DGKI: variants seen among roughly 807,000 people sequenced by gnomAD.
DGKI encodes the protein diacylglycerol kinase iota.
A neutral mutation model predicts 147.5 loss-of-function variants in DGKI; 55 were observed. The ratio of observed to expected loss-of-function variants is 0.37; its 90% CI spans 0.30 to 0.47. The LOEUF (loss-of-function observed/expected upper bound fraction) is 0.47, where lower values mean the gene tolerates loss of function less well. DGKI is among the 20% of genes least tolerant of loss of function. The pLI is 1.00. For missense variants in DGKI, 1,007 were observed against 1,323.8 expected, an observed-to-expected ratio of 0.76 and a Z score of 3.71; for synonymous variants, 469 against 477.1, an observed-to-expected ratio of 0.98 and a Z score of 0.22.
At chr7:137,758,037 C>G (rs1795742393) in intron 1 of DGKI, among the ~76,000 whole-genome samples, 1 of 152,206 alleles carries the variant, frequency 6.6e-6, no homozygotes, top group African/African-American at 2.4e-5. Flanking sequence ...AGTCCTGTAT[C>G]TCCTGGTTTA....
At chr7:137,579,809 T>C (rs1393098499) in intron 15 of DGKI, among the ~76,000 whole-genome samples, 2 of 152,166 alleles carry the variant, frequency 1.3e-5, no homozygotes, top group Admixed American at 6.5e-5. Context: ...AGATTAATGC[T>C]TGACATCTTT....
chr7:137,770,132 A>G (rs1399731536), intron 1 of DGKI, among the ~76,000 whole-genome samples: 2 of 152,268 alleles, frequency 1.3e-5, no homozygotes, highest in African/African-American at 4.8e-5. Flanking sequence ...ACCATGGAAT[A>G]CTATGCAGCC....
At chr7:137,427,956 G>A (rs1467447367) in intron 28 of DGKI, among the ~76,000 whole-genome samples, 7 of 150,080 alleles carry the variant, frequency 4.7e-5, no homozygotes, top group Non-Finnish European at 7.4e-5. Context: ...ATTCACAGCC[G>A]AATTCTACCA....
At chr7:137,745,604 A>G (rs1456648474) in intron 1 of DGKI, among the ~76,000 whole-genome samples, 1 of 152,188 alleles carries the variant, frequency 6.6e-6, no homozygotes, top group African/African-American at 2.4e-5. Context: ...TAGTGGGCTC[A>G]ATTATCAGAT....
chr7:137,451,783 A>G (rs1221349301), intron 27 of DGKI, among the ~76,000 whole-genome samples: 14 of 152,198 alleles, frequency 9.2e-5, no homozygotes, highest in Non-Finnish European at 2.1e-4. Flanking sequence ...GCTGATCCTA[A>G]TACAATATCC....
At chr7:137,432,294 T>C (rs557688309) in intron 28 of DGKI, among the ~76,000 whole-genome samples, 1 of 152,324 alleles carries the variant, frequency 6.6e-6, no homozygotes, top group South Asian at 2.1e-4. Flanking sequence ...TCTGTGTCCA[T>C]TGGGCTGTAA....
chr7:137,414,225 G>A (rs1812274502), intron 28 of DGKI, among the ~76,000 whole-genome samples: 1 of 152,132 alleles, frequency 6.6e-6, no homozygotes, highest in South Asian at 2.1e-4. Context: ...CTGCCCCTGG[G>A]CTGAGTGCCT....
At chr7:137,552,251 A>G in intron 20 of DGKI, 118 bp downstream of exon 20, 1 of 975,002 alleles carries the variant, frequency 1.0e-6, no homozygotes, top group Non-Finnish European at 1.5e-6. Context: ...GGAACTACTG[A>G]GTCTCCTGGA....
At chr7:137,829,425 A>G (rs1354394486) in intron 1 of DGKI, among the ~76,000 whole-genome samples, 2 of 152,240 alleles carry the variant, frequency 1.3e-5, no homozygotes, top group African/African-American at 4.8e-5. Context: ...ATGGCTATCT[A>G]GAGGCTTCTG....
In DGKI at chr7:137,587,082, G is replaced by A. The variant is rs375643494; in HGVS notation, c.1425+15C>T. On this transcript the variant is annotated intron_variant, in intron 13 of 32. Coordinates refer to ENST00000614521, the MANE Select transcript of DGKI (RefSeq NM_001321708.2). ...TTGTTTGATGATATGGGCAGTCCCC[G>A]AGAGCAGTTCTTACCCCTCCCCAGT... 13 of 1,560,782 alleles carry A rather than the reference G, an allele frequency of 8.3e-6. No homozygotes were observed. The Middle Eastern group carries it at 5.2e-4, about 62-fold the overall frequency.
At chr7:137,412,348 C>T in intron 28 of DGKI, 141 bp from the exon 29 acceptor site, 1 of 755,766 alleles carries the variant, frequency 1.3e-6, no homozygotes, top group Admixed American at 2.1e-5. Flanking sequence ...GTGAAGCAGA[C>T]CGAGGCCCCC....
At chr7:137,631,466 T>G (rs1585306552) in intron 6 of DGKI, among the ~76,000 whole-genome samples, 1 of 152,148 alleles carries the variant, frequency 6.6e-6, no homozygotes, top group Admixed American at 6.6e-5. Context: ...GCAATGTGCC[T>G]GATCAGGGAA....
chr7:137,427,180 C>T (rs996601426), intron 28 of DGKI, among the ~76,000 whole-genome samples: 4 of 152,074 alleles, frequency 2.6e-5, no homozygotes, highest in African/African-American at 9.7e-5. Context: ...TGTAAAAGAA[C>T]AGAAATTATA....
rs926226523 is a variant in DGKI, at chr7:137,734,756, T to C, written c.402-44754A>G. 6.6e-5 allele frequency among the ~76,000 whole-genome samples: 10 copies of C among 152,170 alleles called. No homozygotes were observed. The East Asian group carries it at 1.7e-3, about 27-fold the overall frequency. ...TAAATATTATTTCTAGCCACTAAGC[T>C]TTAGGGCAATTTCCAATGCAGCAAC... On this transcript the variant is annotated intron_variant, in intron 1 of 32. Coordinates refer to ENST00000614521, the MANE Select transcript of DGKI (RefSeq NM_001321708.2).
chr7:137,703,818 T>C (rs1448827538), intron 1 of DGKI, among the ~76,000 whole-genome samples: 1 of 152,220 alleles, frequency 6.6e-6, no homozygotes, highest in African/African-American at 2.4e-5. Context: ...CTGTTTTAAA[T>C]AAAATTTTAT....
intron 8 of DGKI, among the ~76,000 whole-genome samples, chr7:137,618,736 A>G (rs933527416): frequency 1.3e-5 from 2 of 152,216 alleles, no homozygotes; most frequent in African/African-American, 2.4e-5. Flanking sequence ...TTGTTTTATC[A>G]CCTTGGGTAA....
intron 5 of DGKI, among the ~76,000 whole-genome samples, chr7:137,651,704 C>A (rs1453453084): frequency 6.6e-6 from 1 of 151,752 alleles, no homozygotes; most frequent in Non-Finnish European, 1.5e-5. Context: ...GAACTAAGCT[C>A]GGAGGGATTT....
chr7:137,717,524 C>T (rs1318485538), intron 1 of DGKI, among the ~76,000 whole-genome samples: 1 of 152,136 alleles, frequency 6.6e-6, no homozygotes, highest in Non-Finnish European at 1.5e-5. Flanking sequence ...AAACATATGT[C>T]TGTCTGTCCG....
At chr7:137,555,991 G>A (rs762327926) in intron 19 of DGKI, among the ~76,000 whole-genome samples, 2 of 152,084 alleles carry the variant, frequency 1.3e-5, no homozygotes, top group African/African-American at 2.4e-5. Context: ...TCTAATTGCT[G>A]CCAGTGGTCT....
Sources: allele counts gnomAD v4.1 joint callset (sites outside exome capture counted in the v4.1 genomes callset), GRCh38; gene constraint gnomAD v4.1.1; transcripts MANE v1.5; gene names NCBI Gene and HGNC (gene_info 2026-07-23, HGNC 2026-07-21).